DLGAP2: variants seen among roughly 807,000 people sequenced by gnomAD.
DLGAP2 encodes disks large-associated protein 2.
A neutral mutation model predicts 100.3 loss-of-function variants in DLGAP2; 26 were observed. That is an observed-to-expected ratio of 0.26 (90% CI 0.19 to 0.36). The LOEUF is 0.36. DLGAP2 is among the 10% of genes least tolerant of loss of function. The pLI, the probability that DLGAP2 is intolerant of heterozygous loss-of-function variation, is 1.00. For missense variants in DLGAP2, 1,858 were observed against 1,453.2 expected (o/e 1.28, Z -4.53); for synonymous variants, 886 against 630.1 (o/e 1.41, Z -6.08).
intron 12 of DLGAP2, among the ~76,000 whole-genome samples, chr8:1,680,998 C>T (rs1486210477): frequency 2.0e-5 from 3 of 152,118 alleles, no homozygotes; most frequent in African/African-American, 4.8e-5. Context: ...GTGTTTTCTA[C>T]ACCATGTGTT....
intron 2 of DLGAP2, among the ~76,000 whole-genome samples, chr8:1,096,511 G>T (rs1245671893): frequency 6.6e-6 from 1 of 152,182 alleles, no homozygotes; most frequent in East Asian, 1.9e-4. Flanking sequence ...AAGCTCTGTG[G>T]CATGGAGAGG....
intron 3 of DLGAP2, among the ~76,000 whole-genome samples, chr8:1,411,836 C>T (rs1290648263): frequency 1.3e-5 from 2 of 152,218 alleles, no homozygotes; most frequent in Non-Finnish European, 2.9e-5. Context: ...CTAATCAGCT[C>T]TGCCCTCATG....
intron 1 of DLGAP2, among the ~76,000 whole-genome samples, chr8:768,046 C>T (rs188598733): frequency 1.3e-5 from 2 of 152,314 alleles, no homozygotes; most frequent in East Asian, 3.9e-4. Context: ...GATGTGCATT[C>T]TCTTTCAGCT....
intron 12 of DLGAP2, among the ~76,000 whole-genome samples, chr8:1,685,468 G>T (rs7002740): frequency 0.011 from 1,713 of 152,298 alleles, 26 homozygotes; most frequent in African/African-American, 0.039. Context: ...GGAGATGCAG[G>T]TCATAGACTG....
intron 2 of DLGAP2, among the ~76,000 whole-genome samples, chr8:1,252,763 G>C (rs75724742): frequency 6.6e-6 from 1 of 152,256 alleles, no homozygotes; most frequent in Non-Finnish European, 1.5e-5. Flanking sequence ...CTGTTGAAGC[G>C]CGGCCGGATG....
intron 2 of DLGAP2, among the ~76,000 whole-genome samples, chr8:985,475 T>A (rs143582362): frequency 6.1e-4 from 93 of 152,356 alleles, no homozygotes; most frequent in African/African-American, 2.2e-3. Flanking sequence ...ACATCCGTAG[T>A]CTCAAAGATG....
At chr8:919,520 G>T (rs1798665025) in intron 2 of DLGAP2, among the ~76,000 whole-genome samples, 1 of 152,148 alleles carries the variant, frequency 6.6e-6, no homozygotes, top group Non-Finnish European at 1.5e-5. Context: ...GTGTTCATTT[G>T]CTGCCACCAT....
At chr8:1,357,401 C>CT (rs5888828) in intron 3 of DLGAP2, among the ~76,000 whole-genome samples, 43,387 of 144,380 alleles carry the variant, frequency 0.3, 6,754 homozygotes, top group South Asian at 0.34. Context: ...GGTGCCAAAT[C>CT]TTTTTTTTTT....
chr8:1,002,683 C>T (rs1409847458), intron 2 of DLGAP2: 1 of 152,224 alleles, frequency 6.6e-6, no homozygotes, highest in Non-Finnish European at 1.5e-5. Context: ...GATAGTACTT[C>T]TGAAAGGGAC....
intron 2 of DLGAP2, among the ~76,000 whole-genome samples, chr8:1,132,697 T>G (rs1407410768): frequency 6.6e-6 from 1 of 152,214 alleles, no homozygotes; most frequent in Non-Finnish European, 1.5e-5. Flanking sequence ...GCTCTAATCC[T>G]GGCCTCCCTG....
intron 2 of DLGAP2, among the ~76,000 whole-genome samples, chr8:1,150,855 C>G (rs114781043): frequency 0.011 from 1,672 of 152,124 alleles, 42 homozygotes; most frequent in African/African-American, 0.038. Flanking sequence ...TATTAAACAC[C>G]ACTTCTCAAA....
At chr8:968,668 AACAT>A (rs1184723895) in intron 2 of DLGAP2, among the ~76,000 whole-genome samples, 1 of 152,128 alleles carries the variant, frequency 6.6e-6, no homozygotes, top group Non-Finnish European at 1.5e-5. Context: ...AAGTTTTTGT[AACAT>A]ACAGGGACGA....
At chr8:772,803 G>C (rs534655347) in intron 1 of DLGAP2, among the ~76,000 whole-genome samples, 6 of 152,206 alleles carry the variant, frequency 3.9e-5, no homozygotes, top group Non-Finnish European at 7.3e-5. Context: ...GGCATGCATG[G>C]AATTAAGTGC....
intron 8 of DLGAP2, among the ~76,000 whole-genome samples, chr8:1,650,221 T>G (rs1343956051): frequency 1.3e-5 from 2 of 152,248 alleles, no homozygotes; most frequent in Admixed American, 1.3e-4. Flanking sequence ...TGGTACCTGA[T>G]GTGTATAAGA....
chr8:1,030,496 G>A (rs1801942865), intron 2 of DLGAP2, among the ~76,000 whole-genome samples: 1 of 152,188 alleles, frequency 6.6e-6, no homozygotes, highest in Non-Finnish European at 1.5e-5. Context: ...GGACTCGGCT[G>A]TAATGTGTAT....
At chr8:769,581 AATT>A (rs1821303943) in intron 1 of DLGAP2, among the ~76,000 whole-genome samples, 2 of 152,146 alleles carry the variant, frequency 1.3e-5, no homozygotes, top group South Asian at 4.1e-4. Context: ...AAACTGGGCT[AATT>A]TATTGATTCA....
chr8:1,238,649 A>G (rs1362026535), intron 2 of DLGAP2, among the ~76,000 whole-genome samples: 9 of 115,160 alleles, frequency 7.8e-5, no homozygotes, highest in South Asian at 4.1e-4. Flanking sequence ...TACCTCTCAC[A>G]TGGTGCCGTG....
At chr8:781,402 C>T (rs1032576318) in intron 1 of DLGAP2, among the ~76,000 whole-genome samples, 8 of 152,050 alleles carry the variant, frequency 5.3e-5, no homozygotes, top group African/African-American at 9.7e-5. Context: ...AGAAAATAAT[C>T]GATAAGACCT....
At chr8:936,489 G>A (rs1190677787) in intron 2 of DLGAP2, among the ~76,000 whole-genome samples, 2 of 152,230 alleles carry the variant, frequency 1.3e-5, no homozygotes, top group Admixed American at 6.5e-5. Flanking sequence ...TCAGAGGGAA[G>A]CTCTGAAACT....
Sources: gnomAD v4.1 joint callset for allele counts (sites outside exome capture counted in the v4.1 genomes callset) on GRCh38, gnomAD v4.1.1 for gene constraint, MANE v1.5 for transcripts, NCBI Gene and HGNC (gene_info 2026-07-23, HGNC 2026-07-21) for gene names.